MRAP2: variants seen among roughly 807,000 people sequenced by gnomAD.
The protein encoded by MRAP2 is melanocortin 2 receptor accessory protein 2, also known as melanocortin-2 receptor accessory protein 2.
MRAP2 carries 20 observed loss-of-function variants against 17.4 expected under a neutral mutation model. That is an observed-to-expected ratio of 1.15 (90% CI 0.81 to 1.67). The LOEUF is 1.67. Among genes scored for constraint, MRAP2 ranks in the 40% most tolerant of loss-of-function variants. The pLI is 0.00. For synonymous variants in MRAP2, 96 were observed against 88.4 expected, an observed-to-expected ratio of 1.09 and a Z score of -0.48; for missense variants, 238 against 240.0, an observed-to-expected ratio of 0.99 and a Z score of 0.05.
At chr6:84,045,381 A>G in intron 1 of MRAP2, 2 of 985,266 alleles carry the variant, frequency 2.0e-6, no homozygotes, top group Non-Finnish European at 2.4e-6. Flanking sequence ...GCCTGCCCCC[A>G]AGACCTCTGT....
chr6:84,078,529 C>G (rs1306491291), intron 3 of MRAP2, among the ~76,000 whole-genome samples: 3 of 152,118 alleles, frequency 2.0e-5, no homozygotes, highest in Non-Finnish European at 4.4e-5. Context: ...CTTGTTTGCC[C>G]CCACCAAAGC....
intron 1 of MRAP2, among the ~76,000 whole-genome samples, chr6:84,041,485 A>G (rs1562870123): frequency 6.6e-6 from 1 of 152,202 alleles, no homozygotes; most frequent in Non-Finnish European, 1.5e-5. Context: ...ATCCACTGAT[A>G]GCTTGCCCCG....
At chr6:84,118,884 A>G in the MRAP2 span, among the ~76,000 whole-genome samples, 1 of 152,202 alleles carries the variant, frequency 6.6e-6, no homozygotes, top group South Asian at 2.1e-4. Context: ...TAAGGATCCA[A>G]TTTCATTCTT....
At chr6:84,105,670 TGTGGAGTAGCA>T in the MRAP2 span, among the ~76,000 whole-genome samples, 1 of 152,230 alleles carries the variant, frequency 6.6e-6, no homozygotes, top group East Asian at 1.9e-4. Context: ...CTACCTCCAT[TGTGGAGTAGCA>T]GTCCAATTTC....
rs140753795 is a variant in MRAP2 at position 84,090,485 on chromosome 6, T to C, written c.*1004T>C. 8 of 152,308 alleles carry C rather than the reference T, an allele frequency of 5.3e-5. No individual in the cohort carries two copies. The highest frequency in any genetic ancestry group is 1.9e-4 in the African/African-American group (8 of 41,532). 9.4% of individuals were successfully genotyped at this position (152,308 alleles called of 1,614,324 possible). A position where few individuals can be genotyped will look rare whatever the true frequency, so the allele number is the denominator to read the frequency against. On this transcript the variant is annotated 3_prime_UTR_variant, in exon 4 of 4. Transcript: ENST00000257776. ...TGGTACTCTTGTCCCCAAGAAATGT[T>C]AGGAAGCTTGTCAGCTGAATGAGAG...
chr6:84,121,988 C>T, the MRAP2 span, among the ~76,000 whole-genome samples: 1 of 151,940 alleles, frequency 6.6e-6, no homozygotes, highest in Non-Finnish European at 1.5e-5. Flanking sequence ...AGGATCAATA[C>T]ACAAAAAGTT....
At position 84,062,933 on chromosome 6, in the gene MRAP2, C is replaced by T. The variant is rs150284745; in HGVS notation, c.168C>T (p.Phe56=). 11 of 1,614,016 alleles carry T rather than the reference C, an allele frequency of 6.8e-6. No homozygotes were observed. The highest frequency in any genetic ancestry group is 1.3e-5 in the African/African-American group (1 of 74,916). Residue 56 remains phenylalanine, a synonymous_variant, in exon 3 of 4, where the codon TTC becomes TTT. Transcript: ENST00000257776. ...VIGFWVGLAV[F]VIFMFFVLTL... is the part of the protein sequence containing the mutation. The stretch of plus-strand genomic sequence containing the variant: ...GATTTTGGGTTGGTCTTGCAGTCTT[C>T]GTGATTTTTATGTTTTTTGTGCTGA...
intron 2 of MRAP2, among the ~76,000 whole-genome samples, chr6:84,055,791 C>G (rs1330066129): frequency 6.6e-6 from 1 of 152,178 alleles, no homozygotes; most frequent in Non-Finnish European, 1.5e-5. Flanking sequence ...AAAATAGGAT[C>G]TGGAACTGTT....
chr6:84,093,748 A>G (rs907316168), downstream of MRAP2, among the ~76,000 whole-genome samples: 2 of 151,904 alleles, frequency 1.3e-5, no homozygotes, highest in African/African-American at 4.8e-5. Flanking sequence ...TTAAATCTCC[A>G]CCCCTGGTAG....
At chr6:84,113,115 T>C in the MRAP2 span, among the ~76,000 whole-genome samples, 15 of 152,202 alleles carry the variant, frequency 9.9e-5, no homozygotes, top group Admixed American at 9.2e-4. Flanking sequence ...TTAGGTCCTC[T>C]TGGTCCAGAG....
At chr6:84,046,605 C>T (rs2099489097) in intron 1 of MRAP2, among the ~76,000 whole-genome samples, 1 of 151,698 alleles carries the variant, frequency 6.6e-6, no homozygotes, top group African/African-American at 2.4e-5. Context: ...CATGGTGAAA[C>T]CCCATCTCTG....
chr6:84,122,173 CA>C, the MRAP2 span, among the ~76,000 whole-genome samples: 1 of 151,288 alleles, frequency 6.6e-6, no homozygotes, highest in Admixed American at 6.6e-5. Context: ...GAAACTATTC[CA>C]AAAAAACTGA....
At chr6:84,119,728 C>G in the MRAP2 span, among the ~76,000 whole-genome samples, 3 of 152,262 alleles carry the variant, frequency 2.0e-5, no homozygotes, top group South Asian at 6.2e-4. Context: ...CAGGAGTACC[C>G]AATCCAGATA....
the MRAP2 span, among the ~76,000 whole-genome samples, chr6:84,117,530 C>T: frequency 6.6e-6 from 1 of 151,592 alleles, no homozygotes; most frequent in Non-Finnish European, 1.5e-5. Context: ...TTATTACTAC[C>T]TCAATTTCAA....
chr6:84,049,739 C>T (rs2099489930), intron 1 of MRAP2, among the ~76,000 whole-genome samples: 2 of 152,260 alleles, frequency 1.3e-5, no homozygotes, highest in African/African-American at 4.8e-5. Context: ...GGCTTGGGAA[C>T]ACTTTTGGTT....
chr6:84,092,625 A>AAT (rs202092759), downstream of MRAP2, among the ~76,000 whole-genome samples: 912 of 152,252 alleles, frequency 6.0e-3, 5 homozygotes, highest in African/African-American at 0.021. Context: ...ACTAGTTACT[A>AAT]ATAGTTGTCT....
In MRAP2 at chr6:84,084,932, CTTTATTTTAT is replaced by C. The variant is rs757644105; in HGVS notation, c.228-4137_228-4128del. On this transcript the variant is annotated intron_variant, in intron 3 of 3. Transcript: ENST00000257776. Reference sequence around the variant, plus strand: ...TATTTTATTTATTTATTTTATTTTACTTTATTTTATTTTATTTTATTTTATTTTATTATAC... The same window carrying C: ...TATTTTATTTATTTATTTTATTTTACTTTATTTTATTTTATTTTATTATAC... Among the ~76,000 whole-genome samples, 44 of 99,432 alleles carry C rather than the reference CTTTATTTTAT, an allele frequency of 4.4e-4. 1 individual carries two copies. The highest frequency in any genetic ancestry group is 7.0e-4 in the Non-Finnish European group (34 of 48,390). The allele number at this position is 99,432 out of a possible 152,430, so 65.2% of individuals were successfully genotyped here. A position where few individuals can be genotyped will look rare whatever the true frequency, so the allele number is the denominator to read the frequency against.
At chr6:84,072,526 A>C (rs1227462465) in intron 3 of MRAP2, among the ~76,000 whole-genome samples, 5 of 152,264 alleles carry the variant, frequency 3.3e-5, no homozygotes, top group African/African-American at 1.2e-4. Context: ...TTGGTGGTTT[A>C]ATGCTCTGTT....
the MRAP2 span, among the ~76,000 whole-genome samples, chr6:84,122,110 G>A: frequency 6.6e-6 from 1 of 151,964 alleles, no homozygotes; most frequent in African/African-American, 2.4e-5. Flanking sequence ...AGGATCAGAT[G>A]GATTCACAGC....
Sources: allele counts gnomAD v4.1 joint callset (sites outside exome capture counted in the v4.1 genomes callset), GRCh38; gene constraint gnomAD v4.1.1; transcripts MANE v1.5; gene names NCBI Gene and HGNC (gene_info 2026-07-23, HGNC 2026-07-21).